Variants in ACSS1 observed in about 807,000 individuals in gnomAD.
ACSS1 encodes acetyl-coenzyme A synthetase 2-like, mitochondrial.
ACSS1 carries 42 observed loss-of-function variants against 75.3 expected under a neutral mutation model. The ratio of observed to expected loss-of-function variants is 0.56; its 90% CI spans 0.44 to 0.72. The LOEUF (loss-of-function observed/expected upper bound fraction) is 0.72, where lower values mean the gene tolerates loss of function less well. ACSS1 is among the 30% of genes least tolerant of loss of function. The probability of loss-of-function intolerance (pLI) is 0.00; values close to 1 mark genes in which losing one functional copy is unlikely to be tolerated. For synonymous variants in ACSS1, 380 were observed against 376.8 expected, an observed-to-expected ratio of 1.01 and a Z score of -0.10; for missense variants, 782 against 935.7, an observed-to-expected ratio of 0.84 and a Z score of 2.14.
intron 7 of ACSS1, among the ~76,000 whole-genome samples, chr20:25,016,074 C>G (rs997593589): frequency 1.3e-5 from 2 of 152,198 alleles, no homozygotes; most frequent in African/African-American, 4.8e-5. Context: ...TACAATATGG[C>G]ACGCTCCTGC....
intron 10 of ACSS1, 47 bp from the exon 11 acceptor site, chr20:25,012,986 C>G (rs1400421835): frequency 6.2e-7 from 1 of 1,612,652 alleles, no homozygotes; most frequent in Non-Finnish European, 8.5e-7. Flanking sequence ...TGAGCCAGGA[C>G]CCATGTCCCA....
intron 7 of ACSS1, among the ~76,000 whole-genome samples, chr20:25,019,266 C>T (rs2088574401): frequency 6.6e-6 from 1 of 152,216 alleles, no homozygotes; most frequent in Non-Finnish European, 1.5e-5. Flanking sequence ...GCACCCAGTC[C>T]CTCCCAGCAC....
intron 6 of ACSS1, 42 bp downstream of exon 6, chr20:25,021,347 T>A: frequency 1.2e-6 from 2 of 1,603,804 alleles, no homozygotes; most frequent in Non-Finnish European, 1.7e-6. Context: ...CTCTCTCCCC[T>A]GACACCAGCA....
At chr20:25,013,073 G>T in intron 10 of ACSS1, 134 bp from the exon 11 acceptor site, 1 of 1,341,678 alleles carries the variant, frequency 7.5e-7, no homozygotes, top group Non-Finnish European at 1.0e-6. Context: ...CAACTCCGAT[G>T]CTTCCCTATG....
intron 2 of ACSS1, among the ~76,000 whole-genome samples, chr20:25,040,081 C>T (rs951107729): frequency 2.0e-5 from 3 of 152,236 alleles, no homozygotes; most frequent in African/African-American, 7.2e-5. Context: ...GAAGTGAGTC[C>T]TTTCCCTTGT....
intron 1 of ACSS1, 28 bp downstream of exon 1, chr20:25,057,741 C>T: frequency 6.6e-7 from 1 of 1,525,500 alleles, no homozygotes; most frequent in South Asian, 1.2e-5. Context: ...GAGTTGGGGG[C>T]GTCCTGGGTC....
chr20:25,033,013 T>G (rs1434628354), intron 2 of ACSS1, among the ~76,000 whole-genome samples: 1 of 152,198 alleles, frequency 6.6e-6, no homozygotes, highest in South Asian at 2.1e-4. Flanking sequence ...CCAAGGTTTA[T>G]GATAAAAGAC....
chr20:25,014,174 G>A, intron 8 of ACSS1, 101 bp from the exon 9 acceptor site: 1 of 972,484 alleles, frequency 1.0e-6, no homozygotes, highest in Non-Finnish European at 1.5e-6. Context: ...TGTGGGCAAG[G>A]AAACGCCTCA....
chr20:25,027,313 C>T (rs754549336), intron 3 of ACSS1, among the ~76,000 whole-genome samples: 5 of 152,146 alleles, frequency 3.3e-5, no homozygotes, highest in Non-Finnish European at 7.4e-5. Context: ...TACCCTGATA[C>T]TAAAGCCAGA....
intron 2 of ACSS1, chr20:25,046,798 G>A: frequency 1.3e-6 from 1 of 779,730 alleles, no homozygotes; most frequent in Non-Finnish European, 2.4e-6. Flanking sequence ...CCGCTCAGTT[G>A]TCCAGTGGGG....
chr20:25,013,544 G>T lies in ACSS1; in HGVS notation c.1571C>A (p.Ala524Asp), dbSNP rs1463240000. The T allele has an allele frequency of 3.8e-6, 6 of 1,599,180 alleles. No homozygotes were observed. The highest frequency in any genetic ancestry group is 5.1e-6 in the Non-Finnish European group (6 of 1,167,752). ...HQRFVDAYFK[A>D]YPGYYFTGDG... ...CCTGACAGCCTGCTCACCTGGGTAG[G>T]CCTTGAAGTAGGCGTCCACAAATCG... is the stretch of plus-strand genomic sequence containing the variant. Residue 524 changes from alanine to aspartate, a missense_variant, in exon 10 of 14, where the codon GCC (alanine) becomes GAC (aspartate). Coordinates refer to ENST00000323482, the MANE Select transcript of ACSS1 (RefSeq NM_032501.4).
chr20:25,039,224 T>C (rs1243292486), intron 2 of ACSS1, among the ~76,000 whole-genome samples: 1 of 152,150 alleles, frequency 6.6e-6, no homozygotes, highest in Non-Finnish European at 1.5e-5. Context: ...TTGGGCCACT[T>C]TCTCAAGGCT....
chr20:25,055,809 A>T lies in ACSS1; in HGVS notation c.334+1960T>A, dbSNP rs1040194779. 1.9e-4 allele frequency among the ~76,000 whole-genome samples: 29 copies of T among 152,306 alleles called. 1 individual carries two copies. In the East Asian group the frequency reaches 5.2e-3, roughly 27 times the overall value. On this transcript the variant is annotated intron_variant, in intron 1 of 13. Transcript: ENST00000323482. ...TGACTTTATCACACACAGCTGACAG[A>T]TCAGACCAAAGTGTTCTCATCCATC...
chr20:25,012,507 C>G (rs572923844), intron 12 of ACSS1, 94 bp downstream of exon 12: 2 of 1,457,646 alleles, frequency 1.4e-6, no homozygotes, highest in South Asian at 2.3e-5. Context: ...TATCCCCTAT[C>G]ACTCCACTCT....
chr20:25,037,005 A>AAAGGAAGGAAGG (rs146710264), intron 2 of ACSS1, among the ~76,000 whole-genome samples: 174 of 131,946 alleles, frequency 1.3e-3, no homozygotes, highest in African/African-American at 3.9e-3. Flanking sequence ...AAGAAGAAAG[A>AAAGGAAGGAAGG]AAGGAAGGAA....
chr20:25,054,332 G>T (rs971948188), intron 1 of ACSS1, among the ~76,000 whole-genome samples: 3 of 152,212 alleles, frequency 2.0e-5, no homozygotes, highest in Non-Finnish European at 4.4e-5. Flanking sequence ...CAAGCACAAG[G>T]TCACAGCCTC....
At chr20:25,008,557 G>T (rs946410872) in intron 13 of ACSS1, among the ~76,000 whole-genome samples, 2 of 152,152 alleles carry the variant, frequency 1.3e-5, no homozygotes, top group African/African-American at 4.8e-5. Context: ...AATACCAAGT[G>T]GATCCTGGCC....
In ACSS1 at chr20:25,057,957, G is replaced by A. The variant is rs1179062546; in HGVS notation, c.146C>T (p.Ala49Val). 1 of 1,595,266 alleles carries A rather than the reference G, an allele frequency of 6.3e-7. No individual in the cohort carries two copies. The highest frequency in any genetic ancestry group is 1.1e-5 in the South Asian group (1 of 89,344). Residue 49 changes from alanine (A) to valine (V), a missense_variant, in exon 1 of 14, where the codon GCA becomes GTA. Around this residue, in one of 2 missense-constraint regions of ACSS1, gnomAD observed 377 missense variants for 383.1 expected, o/e 0.98. Coordinates refer to ENST00000323482, the MANE Select transcript of ACSS1 (RefSeq NM_032501.4). ...SGPSGSAPAV[A>V]AAAAQPGSYP... ...CGAGCCTGGCTGTGCTGCTGCTGCT[G>A]CAACTGCGGGAGCGCTGCCCGAGGG...
intron 2 of ACSS1, among the ~76,000 whole-genome samples, chr20:25,043,317 T>C (rs2089035016): frequency 1.3e-5 from 2 of 152,164 alleles, no homozygotes; most frequent in Non-Finnish European, 2.9e-5. Context: ...ATGGCTGTGT[T>C]CGAAGACATC....
Sources: allele counts gnomAD v4.1 joint callset (sites outside exome capture counted in the v4.1 genomes callset), GRCh38; gene constraint gnomAD v4.1.1; regional missense constraint gnomAD v4.1.1; transcripts MANE v1.5; gene names NCBI Gene and HGNC (gene_info 2026-07-23, HGNC 2026-07-21).